The following DPP6 variants were observed in gnomAD, a reference collection of about 807,000 sequenced individuals.
DPP6 encodes the protein A-type potassium channel modulatory protein DPP6.
Under a neutral mutation model 122.6 loss-of-function variants are expected in DPP6, and 69 were observed. The observed-to-expected ratio is 0.56, with a 90% CI of 0.46 to 0.69. The LOEUF (loss-of-function observed/expected upper bound fraction) is 0.69, where lower values mean the gene tolerates loss of function less well. DPP6 is among the 30% of genes least tolerant of loss of function. DPP6 has a pLI of 0.00. For synonymous variants in DPP6, 418 were observed against 433.1 expected (o/e 0.97, Z 0.43); for missense variants, 928 against 1,116.9 (o/e 0.83, Z 2.41).
intron 1 of DPP6, among the ~76,000 whole-genome samples, chr7:154,378,841 G>A (rs534633931): frequency 6.6e-5 from 10 of 152,268 alleles, no homozygotes; most frequent in African/African-American, 2.2e-4. Context: ...TCTTCGCAAG[G>A]AGGCAGGAAA....
chr7:154,060,920 C>G (rs1801755634), intron 1 of DPP6, among the ~76,000 whole-genome samples: 1 of 147,302 alleles, frequency 6.8e-6, no homozygotes, highest in Non-Finnish European at 1.5e-5. Flanking sequence ...GAGCCAGACC[C>G]TCTTCCCCCA....
chr7:154,548,887 G>A (rs890440031), intron 4 of DPP6, among the ~76,000 whole-genome samples: 9 of 152,246 alleles, frequency 5.9e-5, no homozygotes, highest in African/African-American at 2.2e-4. Context: ...GAGGCTTGCA[G>A]AAGGAACATT....
chr7:154,387,707 C>T (rs1814240291), intron 1 of DPP6, among the ~76,000 whole-genome samples: 3 of 152,224 alleles, frequency 2.0e-5, no homozygotes, highest in African/African-American at 7.2e-5. Context: ...AGCCCCACAG[C>T]CCCTGCTGCC....
intron 1 of DPP6, among the ~76,000 whole-genome samples, chr7:154,098,435 C>A (rs71532619): frequency 6.6e-6 from 1 of 152,142 alleles, no homozygotes; most frequent in Non-Finnish European, 1.5e-5. Context: ...AAAGAATTTG[C>A]GGTCATCTTT....
chr7:153,945,115 A>G (rs1043415619), intron 1 of DPP6, among the ~76,000 whole-genome samples: 8 of 151,908 alleles, frequency 5.3e-5, no homozygotes, highest in Admixed American at 2.0e-4. Flanking sequence ...CCTTGCGTAC[A>G]CTCATGTTGT....
the DPP6 span, among the ~76,000 whole-genome samples, chr7:153,839,398 T>C: frequency 6.6e-6 from 1 of 152,198 alleles, no homozygotes; most frequent in East Asian, 1.9e-4. Flanking sequence ...CACAATTACT[T>C]GCCAGAGGTT....
intron 1 of DPP6, among the ~76,000 whole-genome samples, chr7:154,204,389 G>A (rs1371676062): frequency 1.3e-5 from 2 of 152,204 alleles, no homozygotes; most frequent in African/African-American, 2.4e-5. Flanking sequence ...CACTGGGCAC[G>A]CCACTCAAGA....
intron 1 of DPP6, among the ~76,000 whole-genome samples, chr7:153,978,684 A>G (rs1796430690): frequency 6.6e-6 from 1 of 152,178 alleles, no homozygotes. Flanking sequence ...TTATGGTTTT[A>G]GGTCTTACAT....
At chr7:154,317,032 G>A (rs772283060) in intron 1 of DPP6, among the ~76,000 whole-genome samples, 9 of 152,186 alleles carry the variant, frequency 5.9e-5, no homozygotes, top group Non-Finnish European at 1.2e-4. Flanking sequence ...GTGTAAAGAA[G>A]CAGAAGCATG....
the DPP6 span, among the ~76,000 whole-genome samples, chr7:153,813,800 G>GT: frequency 7.9e-5 from 12 of 151,654 alleles, no homozygotes; most frequent in Non-Finnish European, 1.5e-4. Context: ...TTTTTCATGT[G>GT]TTTTTTGGCT....
At chr7:154,662,231 A>G (rs1205322222) in intron 6 of DPP6, among the ~76,000 whole-genome samples, 1 of 151,252 alleles carries the variant, frequency 6.6e-6, no homozygotes, top group Admixed American at 6.6e-5. Context: ...GTCATGGTGA[A>G]TCACCATGGC....
intron 13 of DPP6, among the ~76,000 whole-genome samples, chr7:154,801,895 G>A (rs1055647950): frequency 2.6e-5 from 4 of 152,070 alleles, no homozygotes; most frequent in African/African-American, 9.7e-5. Flanking sequence ...GTTGGATGCA[G>A]GTATTATTTT....
chr7:154,362,873 T>TG (rs1811848573), intron 1 of DPP6, among the ~76,000 whole-genome samples: 1 of 152,198 alleles, frequency 6.6e-6, no homozygotes, highest in Non-Finnish European at 1.5e-5. Flanking sequence ...CTCCACTACA[T>TG]CAGCATCAAC....
At chr7:154,572,336 C>T (rs894333944) in intron 5 of DPP6, among the ~76,000 whole-genome samples, 7 of 151,832 alleles carry the variant, frequency 4.6e-5, no homozygotes, top group Admixed American at 1.3e-4. Flanking sequence ...CCCATCTGGT[C>T]GAGTTACCTA....
At chr7:154,353,552 C>T (rs1811046679) in intron 1 of DPP6, among the ~76,000 whole-genome samples, 1 of 152,112 alleles carries the variant, frequency 6.6e-6, no homozygotes, top group Admixed American at 6.5e-5. Flanking sequence ...ATGTGTGTCT[C>T]TTCTGGCAAG....
At chr7:154,535,957 G>C (rs1828219673) in intron 3 of DPP6, among the ~76,000 whole-genome samples, 1 of 152,124 alleles carries the variant, frequency 6.6e-6, no homozygotes, top group Admixed American at 6.6e-5. Flanking sequence ...TTGGAAAATA[G>C]TTTGGCAGTT....
intron 2 of DPP6, among the ~76,000 whole-genome samples, chr7:154,461,852 C>T (rs1821326983): frequency 6.6e-6 from 1 of 152,122 alleles, no homozygotes; most frequent in African/African-American, 2.4e-5. Flanking sequence ...CTTTGCTGTG[C>T]ATTTTAACTC....
intron 6 of DPP6, among the ~76,000 whole-genome samples, chr7:154,642,113 T>C (rs1198972773): frequency 6.6e-6 from 1 of 152,186 alleles, no homozygotes; most frequent in Non-Finnish European, 1.5e-5. Flanking sequence ...GGGAAGTAGA[T>C]ATCTAGGTCG....
chr7:154,044,598 A>C (rs1799926732), intron 1 of DPP6, among the ~76,000 whole-genome samples: 1 of 152,218 alleles, frequency 6.6e-6, no homozygotes, highest in Admixed American at 6.5e-5. Flanking sequence ...CTACCGATCT[A>C]CCTAAAGTAG....
Sources: gnomAD v4.1 joint callset for allele counts (sites outside exome capture counted in the v4.1 genomes callset) on GRCh38, gnomAD v4.1.1 for gene constraint, MANE v1.5 for transcripts, NCBI Gene and HGNC (gene_info 2026-07-23, HGNC 2026-07-21) for gene names.